Variants in RBFOX1 observed in about 807,000 individuals in gnomAD.
RBFOX1 encodes RNA binding protein fox-1 homolog 1.
Under a neutral mutation model 57.7 loss-of-function variants are expected in RBFOX1, and 8 were observed. The ratio of observed to expected loss-of-function variants is 0.14; its 90% confidence interval spans 0.08 to 0.25. The LOEUF (loss-of-function observed/expected upper bound fraction) is 0.25, where lower values mean the gene tolerates loss of function less well. Among genes scored for constraint, RBFOX1 ranks in the 10% least tolerant of loss-of-function variants. The pLI is 1.00. For missense variants in RBFOX1, 611 were observed against 548.5 expected, an observed-to-expected ratio of 1.11 and a Z score of -1.14; for synonymous variants, 326 against 222.4, an observed-to-expected ratio of 1.47 and a Z score of -4.15.
intron 1 of RBFOX1, among the ~76,000 whole-genome samples, chr16:6,079,817 C>G (rs2095972379): frequency 6.6e-6 from 1 of 152,114 alleles, no homozygotes; most frequent in African/African-American, 2.4e-5. Flanking sequence ...GCCTGGGCAA[C>G]AAAGCAAGAC....
intron 2 of RBFOX1, among the ~76,000 whole-genome samples, chr16:6,350,293 G>T (rs979141027): frequency 6.6e-6 from 1 of 151,414 alleles, no homozygotes; most frequent in Admixed American, 6.6e-5. Flanking sequence ...AAAATTAGCC[G>T]GGTGTGGTTG....
chr16:6,540,723 C>T (rs1396413520), intron 2 of RBFOX1, among the ~76,000 whole-genome samples: 1 of 149,488 alleles, frequency 6.7e-6, no homozygotes, highest in Non-Finnish European at 1.5e-5. Context: ...ATGCTTTAAA[C>T]ATATTCAGAT....
At chr16:6,671,231 T>C (rs2098762946) in intron 3 of RBFOX1, among the ~76,000 whole-genome samples, 1 of 152,226 alleles carries the variant, frequency 6.6e-6, no homozygotes, top group Non-Finnish European at 1.5e-5. Flanking sequence ...ACCTAAATGC[T>C]TAATCTTAAG....
intron 3 of RBFOX1, among the ~76,000 whole-genome samples, chr16:6,778,361 C>A (rs1203098749): frequency 6.6e-6 from 1 of 152,128 alleles, no homozygotes; most frequent in African/African-American, 2.4e-5. Context: ...AACTCATAGC[C>A]AATCATGTTT....
At chr16:6,647,116 C>T (rs1312644280) in intron 2 of RBFOX1, among the ~76,000 whole-genome samples, 2 of 152,176 alleles carry the variant, frequency 1.3e-5, no homozygotes, top group Non-Finnish European at 2.9e-5. Context: ...CTCTTCCTGG[C>T]TTGTAGTCAG....
At chr16:7,521,800 G>C (rs990969785) in intron 5 of RBFOX1, among the ~76,000 whole-genome samples, 9 of 152,210 alleles carry the variant, frequency 5.9e-5, no homozygotes, top group African/African-American at 7.2e-5. Flanking sequence ...AAACTCAGTA[G>C]GAAGCATGTT....
chr16:7,225,116 A>G (rs1233141621), intron 4 of RBFOX1, among the ~76,000 whole-genome samples: 2 of 152,200 alleles, frequency 1.3e-5, no homozygotes, highest in African/African-American at 4.8e-5. Flanking sequence ...AGGGCTTATC[A>G]TCATCATCAT....
Position 6,896,345 on chromosome 16 carries a change from A to C in RBFOX1, c.-15-155712A>C, listed in dbSNP as rs79138595. On this transcript the variant is annotated intron_variant, in intron 3 of 15. Transcript: ENST00000550418. ...AGTTATTTTTAAATATAAAATTACT[A>C]CTGAGTATAGTAATCAAATAATATG... 2.5e-3 allele frequency among the ~76,000 whole-genome samples: 377 copies of C among 152,334 alleles called. 1 individual carries two copies. The highest frequency in any genetic ancestry group is 7.8e-3 in the African/African-American group (325 of 41,582).
At chr16:6,231,651 C>G (rs559915668) in intron 1 of RBFOX1, among the ~76,000 whole-genome samples, 1 of 152,160 alleles carries the variant, frequency 6.6e-6, no homozygotes, top group Non-Finnish European at 1.5e-5. Flanking sequence ...AGTCTGAGGC[C>G]ACTTACAATC....
intron 1 of RBFOX1, among the ~76,000 whole-genome samples, chr16:6,081,324 C>T (rs777366212): frequency 2.6e-5 from 4 of 152,156 alleles, no homozygotes; most frequent in Admixed American, 6.5e-5. Flanking sequence ...GGGCTCGTCC[C>T]CTGGGTGCTG....
chr16:6,911,917 C>G (rs1429029442), intron 3 of RBFOX1, among the ~76,000 whole-genome samples: 1 of 152,110 alleles, frequency 6.6e-6, no homozygotes, highest in Admixed American at 6.5e-5. Context: ...ATATAGAAGA[C>G]ACAGTGTAAG....
At chr16:6,915,356 A>G (rs1286992550) in intron 3 of RBFOX1, among the ~76,000 whole-genome samples, 1 of 152,140 alleles carries the variant, frequency 6.6e-6, no homozygotes, top group Non-Finnish European at 1.5e-5. Flanking sequence ...AGCTTGCTCT[A>G]CAGATTAGAA....
chr16:5,565,593 C>G (rs2046036802), intron 2 of RBFOX1, among the ~76,000 whole-genome samples: 1 of 151,604 alleles, frequency 6.6e-6, no homozygotes, highest in Non-Finnish European at 1.5e-5. Flanking sequence ...CCACTGTACT[C>G]CAGCCTGGGC....
intron 4 of RBFOX1, among the ~76,000 whole-genome samples, chr16:7,278,363 A>G (rs548068879): frequency 1.3e-5 from 2 of 152,196 alleles, no homozygotes; most frequent in African/African-American, 4.8e-5. Flanking sequence ...TTTACCCAAG[A>G]TCAAAATATC....
At chr16:7,324,318 C>T (rs1019091417) in intron 4 of RBFOX1, among the ~76,000 whole-genome samples, 3 of 152,184 alleles carry the variant, frequency 2.0e-5, no homozygotes, top group African/African-American at 7.2e-5. Context: ...CCTCATTTAC[C>T]AGTCCTGGAG....
chr16:7,550,348 T>A (rs1047157983), intron 5 of RBFOX1, among the ~76,000 whole-genome samples: 1 of 152,008 alleles, frequency 6.6e-6, no homozygotes, highest in African/African-American at 2.4e-5. Context: ...TTTGGCAATA[T>A]GCATATCTGC....
intron 4 of RBFOX1, among the ~76,000 whole-genome samples, chr16:5,923,029 C>T (rs1205846346): frequency 6.6e-6 from 1 of 152,122 alleles, no homozygotes; most frequent in Non-Finnish European, 1.5e-5. Flanking sequence ...TGCCTCTTCC[C>T]AGGGGACTCT....
chr16:6,837,023 A>G (rs56292733), intron 3 of RBFOX1, among the ~76,000 whole-genome samples: 2,707 of 152,108 alleles, frequency 0.018, 85 homozygotes, highest in African/African-American at 0.061. Context: ...ACACCTATTT[A>G]CTCGGCTTTT....
At chr16:5,793,453 G>T (rs929448284) in intron 3 of RBFOX1, among the ~76,000 whole-genome samples, 1 of 152,226 alleles carries the variant, frequency 6.6e-6, no homozygotes, top group Non-Finnish European at 1.5e-5. Flanking sequence ...CTGGGGGACC[G>T]GCTTCATGCC....
Sources: allele counts gnomAD v4.1 joint callset (sites outside exome capture counted in the v4.1 genomes callset), GRCh38; gene constraint gnomAD v4.1.1; transcripts MANE v1.5; gene names NCBI Gene and HGNC (gene_info 2026-07-23, HGNC 2026-07-21).